SCMH1: variants seen among roughly 807,000 people sequenced by gnomAD.
SCMH1 encodes the protein polycomb protein SCMH1.
SCMH1 carries 37 observed loss-of-function variants against 70.8 expected under a neutral mutation model. The ratio of observed to expected loss-of-function variants is 0.52; its 90% CI spans 0.40 to 0.69. SCMH1 has a LOEUF of 0.69. Among genes scored for constraint, SCMH1 ranks in the 30% least tolerant of loss-of-function variants. The pLI, the probability that SCMH1 is intolerant of heterozygous loss-of-function variation, is 0.00. For synonymous variants in SCMH1, 292 were observed against 307.4 expected (o/e 0.95, Z 0.52); for missense variants, 607 against 827.3 (o/e 0.73, Z 3.27).
intron 1 of SCMH1, among the ~76,000 whole-genome samples, chr1:41,232,970 T>A (rs1352874852): frequency 6.6e-6 from 1 of 152,212 alleles, no homozygotes; most frequent in East Asian, 1.9e-4. Context: ...TTCCATCAGA[T>A]ATCCAGGACC....
At chr1:41,057,599 AAAG>A (rs1008807812) in intron 10 of SCMH1, among the ~76,000 whole-genome samples, 21 of 152,126 alleles carry the variant, frequency 1.4e-4, no homozygotes, top group African/African-American at 5.1e-4. Flanking sequence ...ATCACACAAA[AAAG>A]GTATACTCAA....
chr1:41,077,720 G>T (rs996798135), intron 8 of SCMH1, among the ~76,000 whole-genome samples: 1 of 152,036 alleles, frequency 6.6e-6, no homozygotes, highest in Non-Finnish European at 1.5e-5. Context: ...ATCCAGATGT[G>T]GTCTAACTCA....
chr1:41,057,995 G>A (rs185069666), intron 10 of SCMH1, among the ~76,000 whole-genome samples: 93 of 151,644 alleles, frequency 6.1e-4, no homozygotes, highest in African/African-American at 2.0e-3. Context: ...GGTGGCGTGC[G>A]CCTGTAGTCC....
intron 1 of SCMH1, among the ~76,000 whole-genome samples, chr1:41,198,950 T>C (rs1653670140): frequency 6.6e-6 from 1 of 152,068 alleles, no homozygotes; most frequent in Non-Finnish European, 1.5e-5. Flanking sequence ...ACTACACCAA[T>C]TGGGATTATC....
intron 4 of SCMH1, among the ~76,000 whole-genome samples, chr1:41,159,402 A>T (rs541053327): frequency 1.3e-5 from 2 of 152,292 alleles, no homozygotes; most frequent in Non-Finnish European, 1.5e-5. Flanking sequence ...TAGCGACAAA[A>T]CCAAAAACAA....
chr1:41,238,960 C>T (rs1387883176), intron 1 of SCMH1, among the ~76,000 whole-genome samples: 2 of 152,162 alleles, frequency 1.3e-5, no homozygotes, highest in African/African-American at 2.4e-5. Flanking sequence ...GAGCATCACA[C>T]GGGACTCCTC....
chr1:41,232,074 G>C (rs1006342236), intron 1 of SCMH1, among the ~76,000 whole-genome samples: 2 of 151,720 alleles, frequency 1.3e-5, no homozygotes, highest in African/African-American at 4.8e-5. Flanking sequence ...GGGATTATCT[G>C]ATGTTTTCTC....
rs558970354 is a variant in SCMH1, at chr1:41,130,505, C to T, written c.412+12373G>A. ...ATGGATTTAGACCCCACATTCAGGC[C>T]TTTGATACATTTTGAGTTAATTTTT... On this transcript the variant is annotated intron_variant, in intron 6 of 14. Coordinates refer to ENST00000337495, the Ensembl canonical transcript of SCMH1. 1.1e-3 allele frequency among the ~76,000 whole-genome samples: 165 copies of T among 152,084 alleles called. 1 individual carries two copies. The highest frequency in any genetic ancestry group is 0.01 in the Admixed American group (156 of 15,278).
intron 8 of SCMH1, among the ~76,000 whole-genome samples, chr1:41,106,519 G>C (rs962462192): frequency 2.0e-5 from 3 of 151,682 alleles, no homozygotes; most frequent in African/African-American, 7.3e-5. Context: ...CCCAGTCTTA[G>C]GTATTTCTTT....
At chr1:41,232,744 C>A (rs1038731057) in intron 1 of SCMH1, among the ~76,000 whole-genome samples, 2 of 152,116 alleles carry the variant, frequency 1.3e-5, no homozygotes, top group Non-Finnish European at 2.9e-5. Context: ...AAAGGTTATT[C>A]CCTTTTTTAG....
chr1:41,029,347 G>T (rs1034859508), intron 13 of SCMH1, among the ~76,000 whole-genome samples: 1 of 152,152 alleles, frequency 6.6e-6, no homozygotes, highest in Non-Finnish European at 1.5e-5. Flanking sequence ...TGAGTAGTTG[G>T]GATTACAGGC....
chr1:41,110,308 T>C (rs919022094), intron 8 of SCMH1, among the ~76,000 whole-genome samples: 7 of 152,342 alleles, frequency 4.6e-5, no homozygotes, highest in Admixed American at 1.3e-4. Context: ...TTTTAGATAA[T>C]AGCTTTATTG....
intron 8 of SCMH1, among the ~76,000 whole-genome samples, chr1:41,082,788 G>A (rs1409829530): frequency 6.6e-6 from 1 of 152,110 alleles, no homozygotes; most frequent in Non-Finnish European, 1.5e-5. Context: ...GATCAAGTGG[G>A]CTTCATCCCT....
At chr1:41,156,007 A>C (rs1050166372) in intron 4 of SCMH1, among the ~76,000 whole-genome samples, 5 of 133,874 alleles carry the variant, frequency 3.7e-5, no homozygotes, top group Non-Finnish European at 7.9e-5. Context: ...AAAAAAAAAA[A>C]GCTGAGATTT....
chr1:41,151,543 G>C (rs1332454135), intron 5 of SCMH1, 71 bp downstream of exon 5: 2 of 1,264,334 alleles, frequency 1.6e-6, no homozygotes, highest in Non-Finnish European at 2.2e-6. Flanking sequence ...TCCACCTCCT[G>C]TTTTGATTGT....
intron 13 of SCMH1, 42 bp from the exon 14 acceptor site, chr1:41,034,090 C>T: frequency 6.4e-7 from 1 of 1,573,184 alleles, no homozygotes. Context: ...CCAGTTTGCA[C>T]ATGAGGAACA....
At chr1:41,082,626 CA>C (rs934203997) in intron 8 of SCMH1, among the ~76,000 whole-genome samples, 49 of 151,894 alleles carry the variant, frequency 3.2e-4, no homozygotes, top group Non-Finnish European at 6.5e-4. Flanking sequence ...AAAAACATGC[CA>C]AACAGCATCA....
chr1:41,056,793 G>C (rs1452501135), intron 10 of SCMH1, among the ~76,000 whole-genome samples: 1 of 152,184 alleles, frequency 6.6e-6, no homozygotes, highest in Non-Finnish European at 1.5e-5. Flanking sequence ...CCAGTCACTG[G>C]GGAGGAGGGG....
chr1:41,087,633 T>C (rs1009632776), intron 8 of SCMH1, among the ~76,000 whole-genome samples: 4 of 152,068 alleles, frequency 2.6e-5, no homozygotes, highest in African/African-American at 7.2e-5. Flanking sequence ...ACCCATCAGA[T>C]TGGCAAAAAA....
Sources: allele counts gnomAD v4.1 joint callset (sites outside exome capture counted in the v4.1 genomes callset), GRCh38; gene constraint gnomAD v4.1.1; transcripts MANE v1.5; gene names NCBI Gene and HGNC (gene_info 2026-07-23, HGNC 2026-07-21).